FAM3B: variants seen among roughly 807,000 people sequenced by gnomAD.
The protein encoded by FAM3B is FAM3 metabolism regulating signaling molecule B.
FAM3B carries 29 observed loss-of-function variants against 28.4 expected under a neutral mutation model. The observed-to-expected ratio is 1.02, with a 90% confidence interval of 0.76 to 1.39. The LOEUF (loss-of-function observed/expected upper bound fraction) is 1.39. Ranked by LOEUF, FAM3B falls within the 40% of genes most tolerant of loss-of-function variation. The pLI, the probability that FAM3B is intolerant of heterozygous loss-of-function variation, is 0.00. For synonymous variants in FAM3B, 91 were observed against 103.0 expected (o/e 0.88, Z 0.71); for missense variants, 266 against 293.9 (o/e 0.91, Z 0.69).
intron 7 of FAM3B, 43 bp from the exon 8 acceptor site, chr21:41,357,065 A>G: frequency 6.9e-7 from 1 of 1,442,092 alleles, no homozygotes; most frequent in Non-Finnish European, 9.6e-7. Flanking sequence ...ATACTTGTTT[A>G]TTAGATTAAT....
At chr21:41,322,699 G>C (rs749289102) in intron 1 of FAM3B, 12 of 727,318 alleles carry the variant, frequency 1.6e-5, no homozygotes, top group African/African-American at 1.6e-4. Flanking sequence ...AATACAACTT[G>C]CCCTGGAAAG....
At chr21:41,351,465 C>T (rs959229173) in intron 7 of FAM3B, among the ~76,000 whole-genome samples, 2 of 152,082 alleles carry the variant, frequency 1.3e-5, no homozygotes, top group Admixed American at 6.6e-5. Flanking sequence ...GGTTTGGGGG[C>T]GCTAAAGGAT....
At chr21:41,355,297 A>G (rs2089155542) in intron 7 of FAM3B, among the ~76,000 whole-genome samples, 1 of 152,248 alleles carries the variant, frequency 6.6e-6, no homozygotes, top group Non-Finnish European at 1.5e-5. Context: ...CAGTGGCCCT[A>G]TGACCCAACA....
chr21:41,322,355 C>T (rs2088814363), intron 1 of FAM3B, among the ~76,000 whole-genome samples: 1 of 152,170 alleles, frequency 6.6e-6, no homozygotes, highest in African/African-American at 2.4e-5. Context: ...CAGGCACATC[C>T]GGGATGATAG....
At chr21:41,348,049 A>T (rs1294747791) in intron 6 of FAM3B, among the ~76,000 whole-genome samples, 1 of 152,186 alleles carries the variant, frequency 6.6e-6, no homozygotes. Context: ...GACTTAACTC[A>T]CTTAGAACAA....
chr21:41,312,160 G>A (rs2088718528), upstream of FAM3B, among the ~76,000 whole-genome samples: 1 of 152,208 alleles, frequency 6.6e-6, no homozygotes, highest in Admixed American at 6.5e-5. Flanking sequence ...GCCAAACCAT[G>A]TCATTGTGGA....
chr21:41,335,640 C>G lies in FAM3B; in HGVS notation c.164-2738C>G, dbSNP rs192791968. Among the ~76,000 whole-genome samples, 420 of 152,276 alleles carry G rather than the reference C, an allele frequency of 2.8e-3. 2 individuals are homozygous for G. Among genetic ancestry groups the G allele is most frequent in the Admixed American group, 7.1e-3 (109 of 15,302 alleles). On this transcript the variant is annotated intron_variant, in intron 2 of 7. Transcript: ENST00000357985. Reference sequence around the variant, plus strand: ...CTTTACAGCCTGCAGAACCATGAGCCAATTAAATCTCTTTTCTTTATAAAT... The same window carrying G: ...CTTTACAGCCTGCAGAACCATGAGCGAATTAAATCTCTTTTCTTTATAAAT...
chr21:41,338,262 T>C (rs2088973174), intron 2 of FAM3B, 116 bp from the exon 3 acceptor site: 1 of 1,273,892 alleles, frequency 7.8e-7, no homozygotes, highest in African/African-American at 1.5e-5. Context: ...CCTCAGGTTT[T>C]CCGACCGCTG....
At position 41,357,220 on chromosome 21, in the gene FAM3B, G is replaced by T. The variant is rs140493581; in HGVS notation, c.*23G>T. Reference sequence around the variant, plus strand: ...TGACACTGCAGGGTCCTGAGTAAATGTGTTCTGTATAAACAAATGCAGCTG... The same window carrying T: ...TGACACTGCAGGGTCCTGAGTAAATTTGTTCTGTATAAACAAATGCAGCTG... On this transcript the variant is annotated 3_prime_UTR_variant, in exon 8 of 8. Coordinates refer to ENST00000357985, the MANE Select transcript of FAM3B (RefSeq NM_058186.4). The T allele has an allele frequency of 2.5e-5, 39 of 1,551,498 alleles. 1 individual carries two copies. The East Asian group carries it at 8.6e-4, about 34-fold the overall frequency.
At chr21:41,322,855 T>G in intron 1 of FAM3B, 68 bp from the exon 2 acceptor site, 20 of 1,612,674 alleles carry the variant, frequency 1.2e-5, no homozygotes, top group Non-Finnish European at 1.7e-5. Flanking sequence ...ACAGGGGGGA[T>G]GGGGAGGGCC....
chr21:41,355,767 A>G (rs2145837497), intron 7 of FAM3B, among the ~76,000 whole-genome samples: 1 of 152,344 alleles, frequency 6.6e-6, no homozygotes, highest in Non-Finnish European at 1.5e-5. Flanking sequence ...TGATGGTTGC[A>G]CAGGTCTGTG....
intron 3 of FAM3B, among the ~76,000 whole-genome samples, chr21:41,340,590 A>G (rs28476518): frequency 0.068 from 10,381 of 152,278 alleles, 419 homozygotes; most frequent in African/African-American, 0.1. Flanking sequence ...TTTGAGAGGT[A>G]ACAAACATTC....
At chr21:41,325,787 C>G (rs2838014) in intron 2 of FAM3B, among the ~76,000 whole-genome samples, 40,729 of 152,112 alleles carry the variant, frequency 0.27, 7,658 homozygotes, top group African/African-American at 0.54. Context: ...TACAGCATAT[C>G]TGGGGAAAGC....
intron 2 of FAM3B, among the ~76,000 whole-genome samples, chr21:41,324,066 C>T (rs1280740051): frequency 1.3e-5 from 2 of 152,146 alleles, no homozygotes; most frequent in African/African-American, 4.8e-5. Context: ...GCACTACTCC[C>T]ATTCCTGAAG....
Position 41,344,621 on chromosome 21 carries a change from G to C in FAM3B, c.346+87G>C. 3.0e-6 allele frequency: 3 copies of C among 1,015,820 alleles called. No individual in the cohort carries two copies. In the South Asian group the frequency reaches 4.0e-5, roughly 14 times the overall value. 62.9% of individuals were successfully genotyped at this position (1,015,820 alleles called of 1,614,324 possible). On this transcript the variant is annotated intron_variant, in intron 4 of 7. Transcript: ENST00000357985. ...TACCTTGGGTTTTCGAGACTTTTGCGCGTGATTTAGTCTAGGTTTGTATTT... is the reference window on the plus strand; with the variant it reads ...TACCTTGGGTTTTCGAGACTTTTGCCCGTGATTTAGTCTAGGTTTGTATTT...
At chr21:41,339,562 G>A (rs540759004) in intron 3 of FAM3B, among the ~76,000 whole-genome samples, 2 of 152,218 alleles carry the variant, frequency 1.3e-5, no homozygotes, top group East Asian at 3.9e-4. Flanking sequence ...AACAGTGCAG[G>A]AGTCTTACCC....
chr21:41,331,190 T>C (rs1342796248), intron 2 of FAM3B, among the ~76,000 whole-genome samples: 6 of 152,254 alleles, frequency 3.9e-5, no homozygotes. Context: ...ATTAGTAATA[T>C]TGAACATGTT....
chr21:41,342,288 G>A (rs1047930069), intron 3 of FAM3B, among the ~76,000 whole-genome samples: 1 of 152,206 alleles, frequency 6.6e-6, no homozygotes, highest in South Asian at 2.1e-4. Context: ...TCCTTGTCTG[G>A]TTTTCAACAT....
At chr21:41,328,124 C>T (rs913977751) in intron 2 of FAM3B, among the ~76,000 whole-genome samples, 15 of 152,162 alleles carry the variant, frequency 9.9e-5, no homozygotes, top group Admixed American at 7.2e-4. Flanking sequence ...GCACTGCCCA[C>T]GGGAAAGTGG....
Sources: gnomAD v4.1 joint callset for allele counts (sites outside exome capture counted in the v4.1 genomes callset) on GRCh38, gnomAD v4.1.1 for gene constraint, MANE v1.5 for transcripts, NCBI Gene and HGNC (gene_info 2026-07-23, HGNC 2026-07-21) for gene names.